DDX60L: variants seen among roughly 807,000 people sequenced by gnomAD.
DDX60L encodes the protein DExD/H-box 60 like.
A neutral mutation model predicts 211.6 loss-of-function variants in DDX60L; 191 were observed. The observed-to-expected ratio is 0.90, with a 90% CI of 0.80 to 1.02. The LOEUF (loss-of-function observed/expected upper bound fraction) is 1.02, where lower values mean the gene tolerates loss of function less well. Ranked by LOEUF, DDX60L falls within the 50% of genes least tolerant of loss-of-function variation. DDX60L has a pLI of 0.00. For missense variants in DDX60L, 2,007 were observed against 1,984.1 expected, an observed-to-expected ratio of 1.01 and a Z score of -0.22; for synonymous variants, 706 against 694.1, an observed-to-expected ratio of 1.02 and a Z score of -0.27.
At chr4:168,454,938 C>T (rs113927332) in intron 7 of DDX60L, among the ~76,000 whole-genome samples, 55 of 151,230 alleles carry the variant, frequency 3.6e-4, no homozygotes, top group Middle Eastern at 3.4e-3. Context: ...GTCTGAAATT[C>T]CTCTAGTTAT....
intron 22 of DDX60L, among the ~76,000 whole-genome samples, chr4:168,415,134 T>C (rs547765347): frequency 6.6e-6 from 1 of 152,068 alleles, no homozygotes; most frequent in Non-Finnish European, 1.5e-5. Flanking sequence ...AGGTAGTGGA[T>C]ACATACCTCA....
chr4:168,461,678 T>C (rs1258315708), intron 5 of DDX60L, 21 bp downstream of exon 5: 6 of 1,449,784 alleles, frequency 4.1e-6, no homozygotes, highest in South Asian at 1.4e-5. Context: ...AGGAAAAAAA[T>C]GAGTTATTAA....
At chr4:168,420,641 TG>T (rs1215383924) in intron 17 of DDX60L, among the ~76,000 whole-genome samples, 1,178 of 80,430 alleles carry the variant, frequency 0.015, 10 homozygotes, top group African/African-American at 0.029. Flanking sequence ...CACACACACA[TG>T]AGATAGATAG....
At chr4:168,383,220 T>A (rs1743265372) in intron 30 of DDX60L, among the ~76,000 whole-genome samples, 1 of 152,244 alleles carries the variant, frequency 6.6e-6, no homozygotes, top group Admixed American at 6.5e-5. Context: ...TATTTTTTTC[T>A]GTCCTGAAGA....
chr4:168,451,844 G>A (rs193039751), intron 8 of DDX60L, among the ~76,000 whole-genome samples: 83 of 152,132 alleles, frequency 5.5e-4, no homozygotes, highest in African/African-American at 1.8e-3. Flanking sequence ...TGTGGCATTC[G>A]CAAGTGCTAT....
chr4:168,427,351 A>C, intron 13 of DDX60L, 29 bp from the exon 14 acceptor site: 1 of 1,591,698 alleles, frequency 6.3e-7, no homozygotes, highest in Non-Finnish European at 8.5e-7. Context: ...AACATATGAA[A>C]CAAGTGGGAA....
chr4:168,396,701 G>T (rs1420533015), intron 26 of DDX60L, among the ~76,000 whole-genome samples: 1 of 151,344 alleles, frequency 6.6e-6, no homozygotes, highest in Non-Finnish European at 1.5e-5. Context: ...AAAAAAGACT[G>T]ACTGAAGAGA....
intron 9 of DDX60L, among the ~76,000 whole-genome samples, chr4:168,445,993 C>T (rs1423636907): frequency 6.9e-6 from 1 of 144,572 alleles, no homozygotes; most frequent in African/African-American, 2.6e-5. Context: ...CCTCTCTCAC[C>T]ACTCCTATTC....
At chr4:168,469,858 A>G (rs1019295184) in intron 4 of DDX60L, 2 of 152,190 alleles carry the variant, frequency 1.3e-5, no homozygotes, top group African/African-American at 4.8e-5. Flanking sequence ...AGCCTACGTG[A>G]CAGAGCGAGA....
chr4:168,371,869 A>C lies in DDX60L; in HGVS notation c.4777-106T>G. ...ATCTGTTTCTTAAAGTACGTTCTGA[A>C]GAAGTTGAAGTGAAGGAGGCAGGCA... On this transcript the variant is annotated intron_variant, in intron 35 of 37. Transcript: ENST00000682922. 3 of 1,131,944 alleles carry C rather than the reference A, an allele frequency of 2.7e-6. No individual in the cohort carries two copies. The East Asian group carries it at 8.0e-5, about 30-fold the overall frequency. 70.1% of individuals were successfully genotyped at this position (1,131,944 alleles called of 1,614,324 possible).
intron 5 of DDX60L, among the ~76,000 whole-genome samples, chr4:168,461,105 C>T (rs373941381): frequency 1.3e-5 from 2 of 152,202 alleles, no homozygotes; most frequent in South Asian, 4.1e-4. Flanking sequence ...GCCCCTCTTA[C>T]TCTCCTTCCC....
chr4:168,403,798 G>A (rs1018082239), intron 25 of DDX60L, among the ~76,000 whole-genome samples, 184 bp downstream of exon 25: 1 of 151,934 alleles, frequency 6.6e-6, no homozygotes, highest in East Asian at 1.9e-4. Context: ...ATTTTATAAG[G>A]ATTGACCTAG....
chr4:168,405,829 G>A, intron 24 of DDX60L, 121 bp downstream of exon 24: 1 of 1,065,530 alleles, frequency 9.4e-7, no homozygotes, highest in South Asian at 1.8e-5. Context: ...ATGTTTAAAT[G>A]GAATTACTAA....
At chr4:168,373,484 A>C (rs566722328) in intron 35 of DDX60L, among the ~76,000 whole-genome samples, 182 bp downstream of exon 35, 1 of 152,316 alleles carries the variant, frequency 6.6e-6, no homozygotes, top group Middle Eastern at 3.4e-3. Context: ...AGGGTTTCTC[A>C]GGCCAACTCC....
intron 9 of DDX60L, among the ~76,000 whole-genome samples, chr4:168,446,525 A>C (rs1431659996): frequency 6.6e-6 from 1 of 152,216 alleles, no homozygotes; most frequent in Admixed American, 6.5e-5. Context: ...AATTGGAAAA[A>C]ACTACTTTAA....
intron 25 of DDX60L, among the ~76,000 whole-genome samples, chr4:168,402,145 T>G (rs1746937889): frequency 7.2e-6 from 1 of 139,548 alleles, no homozygotes; most frequent in Non-Finnish European, 1.5e-5. Flanking sequence ...TTTTTTTTTT[T>G]GAGACAGGCT....
chr4:168,449,642 A>AAAAAATG (rs1755415921), intron 8 of DDX60L, among the ~76,000 whole-genome samples: 1 of 84,442 alleles, frequency 1.2e-5, no homozygotes, highest in Non-Finnish European at 2.1e-5. Flanking sequence ...TAAAACAAAA[A>AAAAAATG]AAAAAAATGC....
intron 33 of DDX60L, among the ~76,000 whole-genome samples, chr4:168,377,332 AAATAAAT>A (rs1742148426): frequency 8.6e-6 from 1 of 115,792 alleles, no homozygotes; most frequent in African/African-American, 3.5e-5. Context: ...ATAAATAAAT[AAATAAAT>A]AAAAATATCT....
At chr4:168,442,861 C>A (rs1311164057) in intron 9 of DDX60L, among the ~76,000 whole-genome samples, 2 of 151,150 alleles carry the variant, frequency 1.3e-5, no homozygotes, top group African/African-American at 4.9e-5. Flanking sequence ...GACATCCACA[C>A]CAAAAACCCA....
Sources: gnomAD v4.1 joint callset for allele counts (sites outside exome capture counted in the v4.1 genomes callset) on GRCh38, gnomAD v4.1.1 for gene constraint, MANE v1.5 for transcripts, NCBI Gene and HGNC (gene_info 2026-07-23, HGNC 2026-07-21) for gene names.